Variants in AFF1 observed in about 807,000 individuals in gnomAD.
The protein encoded by AFF1 is ALF transcription elongation factor 1.
AFF1 carries 48 observed loss-of-function variants against 121.7 expected under a neutral mutation model. The ratio of observed to expected loss-of-function variants is 0.39; its 90% CI spans 0.31 to 0.50. The LOEUF (loss-of-function observed/expected upper bound fraction) is 0.50, where lower values mean the gene tolerates loss of function less well. Among genes scored for constraint, AFF1 ranks in the 20% least tolerant of loss-of-function variants. The pLI is 0.76. For synonymous variants in AFF1, 613 were observed against 563.0 expected, an observed-to-expected ratio of 1.09 and a Z score of -1.26; for missense variants, 1,523 against 1,511.7, an observed-to-expected ratio of 1.01 and a Z score of -0.12.
intron 2 of AFF1, among the ~76,000 whole-genome samples, chr4:86,992,114 A>G (rs1255773820): frequency 6.6e-6 from 1 of 152,158 alleles, no homozygotes; most frequent in African/African-American, 2.4e-5. Context: ...TGCTTCCTCA[A>G]GAGTGTAACA....
intron 2 of AFF1, among the ~76,000 whole-genome samples, chr4:86,951,282 G>A (rs1464551867): frequency 4.0e-5 from 6 of 150,278 alleles, no homozygotes; most frequent in East Asian, 1.9e-4. Context: ...TTGATTCCCC[G>A]CCCCCCAGCC....
chr4:87,014,926 ATT>A (rs1382309535), intron 2 of AFF1, among the ~76,000 whole-genome samples: 2 of 152,204 alleles, frequency 1.3e-5, no homozygotes, highest in Non-Finnish European at 2.9e-5. Flanking sequence ...CTTTGCAGAA[ATT>A]TTGTCTCAAT....
At chr4:87,100,736 A>G (rs1344430303) in intron 8 of AFF1, among the ~76,000 whole-genome samples, 1 of 152,202 alleles carries the variant, frequency 6.6e-6, no homozygotes, top group Non-Finnish European at 1.5e-5. Flanking sequence ...TTGATTGAAT[A>G]CCTATATACA....
chr4:87,053,277 A>G (rs1022870692), intron 4 of AFF1, among the ~76,000 whole-genome samples: 1 of 152,158 alleles, frequency 6.6e-6, no homozygotes, highest in South Asian at 2.1e-4. Context: ...TCATGTTAGG[A>G]ACGTTTTGTT....
intron 13 of AFF1, among the ~76,000 whole-genome samples, chr4:87,125,491 A>T (rs1406061423): frequency 6.6e-6 from 1 of 152,140 alleles, no homozygotes; most frequent in Non-Finnish European, 1.5e-5. Context: ...GTCCAAAGTC[A>T]GAGAATTCTT....
At chr4:87,086,758 C>T (rs761840414) in intron 5 of AFF1, among the ~76,000 whole-genome samples, 12 of 152,170 alleles carry the variant, frequency 7.9e-5, no homozygotes, top group Non-Finnish European at 1.5e-4. Flanking sequence ...CTTTGCCTCC[C>T]GGTTCCCGTT....
At chr4:86,986,714 A>G (rs1213376250) in intron 2 of AFF1, among the ~76,000 whole-genome samples, 1 of 152,176 alleles carries the variant, frequency 6.6e-6, no homozygotes, top group African/African-American at 2.4e-5. Context: ...CTCTGAACAC[A>G]CTAATGAAAT....
chr4:87,075,186 C>T (rs1191015125), intron 4 of AFF1, among the ~76,000 whole-genome samples: 1 of 152,064 alleles, frequency 6.6e-6, no homozygotes, highest in Non-Finnish European at 1.5e-5. Flanking sequence ...AATACTTCTT[C>T]CCATTGGGTT....
At position 86,943,647 on chromosome 4, in the gene AFF1, A is replaced by G. The variant is rs190666117; in HGVS notation, c.-36-4851A>G. On this transcript the variant is annotated intron_variant, in intron 1 of 20. Transcript: ENST00000395146. Reference sequence around the variant, plus strand: ...CGGGACCAGCCTGGGCAACATGGCAAACTCCTGTCTCTACAAAAAATACAA... The same window carrying G: ...CGGGACCAGCCTGGGCAACATGGCAGACTCCTGTCTCTACAAAAAATACAA... Among the ~76,000 whole-genome samples, 540 of 151,674 alleles carry G rather than the reference A, an allele frequency of 3.6e-3. 7 individuals carry two copies. The highest frequency in any genetic ancestry group is 0.012 in the African/African-American group (505 of 41,344).
chr4:87,022,980 G>A (rs576427877), intron 2 of AFF1, among the ~76,000 whole-genome samples: 4 of 151,988 alleles, frequency 2.6e-5, no homozygotes, highest in Admixed American at 6.6e-5. Context: ...ATAGCTTACC[G>A]CAGCATTAGA....
At chr4:87,108,106 A>C in intron 10 of AFF1, 53 bp from the exon 11 acceptor site, 1 of 1,585,986 alleles carries the variant, frequency 6.3e-7, no homozygotes, top group Non-Finnish European at 8.6e-7. Context: ...GGGAGAAAGA[A>C]GAAATCCACC....
chr4:87,092,496 C>A (rs776618915), intron 7 of AFF1, among the ~76,000 whole-genome samples: 2 of 152,166 alleles, frequency 1.3e-5, no homozygotes, highest in African/African-American at 4.8e-5. Context: ...ATATGACATA[C>A]AGTTTGTCTA....
rs549510832 is a variant in AFF1 at position 87,081,152 on chromosome 4, ATTTTTTTTTTTT to A, written c.1060-2952_1060-2941del. ...TTGTAGTTTTTCTCTAATGAAATGA[ATTTTTTTTTTTT>A]TTTTTTTTTTTTTTTGAGACAGAGT... On this transcript the variant is annotated intron_variant, in intron 4 of 20. Coordinates refer to ENST00000395146, the MANE Select transcript of AFF1 (RefSeq NM_001166693.3). Among the ~76,000 whole-genome samples, 358 of 89,728 alleles carry A rather than the reference ATTTTTTTTTTTT, an allele frequency of 4.0e-3. 1 individual carries two copies. Among genetic ancestry groups the A allele is most frequent in the African/African-American group, 0.015 (340 of 22,714 alleles). 58.9% of individuals were successfully genotyped at this position (89,728 alleles called of 152,430 possible). A position where few individuals can be genotyped will look rare whatever the true frequency, so the allele number is the denominator to read the frequency against.
At chr4:86,958,284 G>A (rs1721901436) in intron 2 of AFF1, among the ~76,000 whole-genome samples, 2 of 150,902 alleles carry the variant, frequency 1.3e-5, no homozygotes, top group Admixed American at 6.6e-5. Flanking sequence ...TAGTAGAAAC[G>A]GGGTTTCACC....
chr4:87,015,229 G>A (rs1258813092), intron 2 of AFF1, among the ~76,000 whole-genome samples: 1 of 152,128 alleles, frequency 6.6e-6, no homozygotes, highest in Non-Finnish European at 1.5e-5. Flanking sequence ...CTCATTTACA[G>A]TCTGTGTCTC....
chr4:87,084,231 T>C, intron 5 of AFF1, 67 bp downstream of exon 5: 1 of 1,539,320 alleles, frequency 6.5e-7, no homozygotes, highest in Non-Finnish European at 9.0e-7. Context: ...ATCCATTTAC[T>C]TTCACTTTAA....
At chr4:87,019,677 G>A (rs184156109) in intron 2 of AFF1, among the ~76,000 whole-genome samples, 40 of 152,296 alleles carry the variant, frequency 2.6e-4, no homozygotes, top group African/African-American at 8.7e-4. Flanking sequence ...GAAGCACCAC[G>A]CCCCTTCCCC....
intron 1 of AFF1, chr4:86,935,443 A>C (rs1719889720): frequency 6.6e-6 from 1 of 152,338 alleles, no homozygotes; most frequent in Non-Finnish European, 1.5e-5. Flanking sequence ...TCACCGCCCT[A>C]CTTGCGATCC....
In AFF1 at chr4:87,114,865, A is replaced by C. The variant is rs200738066; in HGVS notation, c.2032A>C (p.Lys678Gln). The C allele has an allele frequency of 6.6e-5, 107 of 1,613,890 alleles. 1 individual carries two copies. In the Middle Eastern group the frequency reaches 3.6e-3, roughly 55 times the overall value. ...AGTGCCCCCCTCCAGTGAGAAGAAG[A>C]AGCACAAGAGCTCCCTCCCTGCCCC... is the stretch of plus-strand genomic sequence containing the variant. The part of the protein sequence containing the change: ...PAVPPSSEKK[K>Q]HKSSLPAPSK... Residue 678 changes from lysine to glutamine, a missense_variant, in exon 12 of 21, where the codon AAG becomes CAG. Physicochemically the swap from Lys to Gln is moderately conservative, Grantham distance 53. This residue lies in a region of AFF1 where 905 missense variants were observed against 842.5 expected (regional missense o/e 1.07). Coordinates refer to ENST00000395146, the MANE Select transcript of AFF1 (RefSeq NM_001166693.3).
Sources: allele counts gnomAD v4.1 joint callset (sites outside exome capture counted in the v4.1 genomes callset), GRCh38; gene constraint gnomAD v4.1.1; regional missense constraint gnomAD v4.1.1; transcripts MANE v1.5; gene names NCBI Gene and HGNC (gene_info 2026-07-23, HGNC 2026-07-21).